Variants in FCN3 observed in about 807,000 individuals in gnomAD.
FCN3 encodes the protein ficolin 3.
Under a neutral mutation model 31.5 loss-of-function variants are expected in FCN3, and 28 were observed. That is an observed-to-expected ratio of 0.89 (90% CI 0.66 to 1.22). The LOEUF is 1.22. FCN3 is among the 50% of genes most tolerant of loss of function. FCN3 has a pLI of 0.00. For synonymous variants in FCN3, 124 were observed against 147.4 expected (o/e 0.84, Z 1.15); for missense variants, 351 against 386.8 (o/e 0.91, Z 0.78).
chr1:27,371,552 G>T (rs1246755107), intron 5 of FCN3, among the ~76,000 whole-genome samples: 1 of 152,008 alleles, frequency 6.6e-6, no homozygotes, highest in Non-Finnish European at 1.5e-5. Flanking sequence ...CTCCAGCCTG[G>T]GCAGCAGAGC....
chr1:27,373,866 G>A (rs925930383), intron 3 of FCN3, 99 bp downstream of exon 3: 3 of 1,049,190 alleles, frequency 2.9e-6, no homozygotes, highest in African/African-American at 3.2e-5. Flanking sequence ...TCCCCTGTGA[G>A]AGAGCCATCA....
chr1:27,373,947 C>G lies in FCN3; in HGVS notation c.232+18G>C. 1 of 1,611,418 alleles carries G rather than the reference C, an allele frequency of 6.2e-7. No individual in the cohort carries two copies. The highest frequency in any genetic ancestry group is 8.5e-7 in the Non-Finnish European group (1 of 1,178,036). The stretch of plus-strand genomic sequence containing the variant: ...AGAGGCAAAGAAAGCGGGGAGGCCT[C>G]CAGCCCCACTTACTCACCTGGCTCA... On this transcript the variant is annotated intron_variant, in intron 3 of 7. Transcript: ENST00000270879.
chr1:27,371,032 C>T, intron 5 of FCN3, 60 bp from the exon 6 acceptor site: 1 of 1,573,352 alleles, frequency 6.4e-7, no homozygotes, highest in Admixed American at 1.7e-5. Flanking sequence ...GCTGAGGGTG[C>T]AGGAACTGTG....
chr1:27,374,191 C>A, intron 2 of FCN3, 165 bp downstream of exon 2: 1 of 715,006 alleles, frequency 1.4e-6, no homozygotes, highest in Non-Finnish European at 2.4e-6. Context: ...GGGATGAAAC[C>A]ACTTACCTGG....
chr1:27,373,059 G>T lies in FCN3; in HGVS notation c.393+77C>A. 5 of 1,544,542 alleles carry T rather than the reference G, an allele frequency of 3.2e-6. No homozygotes were observed. The South Asian group carries it at 5.9e-5, about 18-fold the overall frequency. On this transcript the variant is annotated intron_variant, in intron 5 of 7. Coordinates refer to ENST00000270879, the MANE Select transcript of FCN3 (RefSeq NM_003665.4). ...TCTAGGAAATGCCTTGCTCTGGTGG[G>T]TTCTGGCTCCCCTAGGGGCCAAGGG...
At chr1:27,374,220 G>T in intron 2 of FCN3, 136 bp downstream of exon 2, 3 of 725,990 alleles carry the variant, frequency 4.1e-6, no homozygotes, top group Non-Finnish European at 7.0e-6. Context: ...ATCTTAGGAT[G>T]CCGGGTGCCC....
At chr1:27,374,696 G>A (rs2016215825) in intron 1 of FCN3, 32 bp downstream of exon 1, 3 of 1,285,944 alleles carry the variant, frequency 2.3e-6, no homozygotes, top group East Asian at 5.3e-5. Flanking sequence ...AATGAGGAGT[G>A]GGTTGGTGAG....
chr1:27,374,099 C>T, intron 2 of FCN3, 90 bp from the exon 3 acceptor site: 1 of 1,156,308 alleles, frequency 8.6e-7, no homozygotes, highest in East Asian at 2.4e-5. Context: ...GGTTCAAATC[C>T]CAGTTTCACC....
chr1:27,373,591 G>C, intron 3 of FCN3, 71 bp from the exon 4 acceptor site: 2 of 1,529,272 alleles, frequency 1.3e-6, no homozygotes, highest in Non-Finnish European at 1.8e-6. Context: ...CAGTGGAGCC[G>C]GTACCCAGGC....
chr1:27,373,915 C>T (rs2016199099), intron 3 of FCN3, 50 bp downstream of exon 3: 2 of 1,530,126 alleles, frequency 1.3e-6, no homozygotes, highest in African/African-American at 2.7e-5. Flanking sequence ...CCCTAGAGTC[C>T]AGGGACAGAG....
At chr1:27,372,008 A>C (rs2016156279) in intron 5 of FCN3, among the ~76,000 whole-genome samples, 1 of 151,692 alleles carries the variant, frequency 6.6e-6, no homozygotes, top group Non-Finnish European at 1.5e-5. Context: ...CAATCCACCC[A>C]CCTCGGCCTC....
At chr1:27,371,175 C>T (rs1281826651) in intron 5 of FCN3, among the ~76,000 whole-genome samples, 1 of 152,230 alleles carries the variant, frequency 6.6e-6, no homozygotes, top group African/African-American at 2.4e-5. Flanking sequence ...CAACTTCATG[C>T]CACAGCCTTG....
intron 5 of FCN3, among the ~76,000 whole-genome samples, chr1:27,371,273 A>G (rs1391789069): frequency 2.7e-5 from 4 of 148,966 alleles, no homozygotes; most frequent in East Asian, 2.0e-4. Context: ...AAATAACCCA[A>G]TTTCATTTAC....
Position 27,374,638 on chromosome 1 carries a change from C to A in FCN3, c.91+90G>T, listed in dbSNP as rs1259690273. 3.5e-6 allele frequency: 3 copies of A among 845,278 alleles called. No homozygotes were observed. The African/African-American group carries it at 5.2e-5, about 15-fold the overall frequency. 52.4% of individuals were successfully genotyped at this position (845,278 alleles called of 1,614,324 possible). On this transcript the variant is annotated intron_variant, in intron 1 of 7. Transcript: ENST00000270879. Reference sequence around the variant, plus strand: ...GAGCCCAGATTATGAAACTCCCACCCTGCTCCTTGAGGTTGATGAGCCTTG... The same window carrying A: ...GAGCCCAGATTATGAAACTCCCACCATGCTCCTTGAGGTTGATGAGCCTTG...
In FCN3 at chr1:27,373,275, G is replaced by T; in HGVS notation, c.266-12C>A. The T allele has an allele frequency of 6.2e-7, 1 of 1,614,042 alleles. No individual in the cohort carries two copies. The highest frequency in any genetic ancestry group is 8.5e-7 in the Non-Finnish European group (1 of 1,179,980). On this transcript the variant is annotated splice_polypyrimidine_tract_variant and intron_variant, in intron 4 of 7. Transcript: ENST00000270879. ...GCAGTTTCTGGGGCCTGGGAAAGGG[G>T]AGATGGACTGGGGTGGTGCCCAGGT... is the stretch of plus-strand genomic sequence containing the variant.
chr1:27,371,953 G>A (rs1286570220), intron 5 of FCN3, among the ~76,000 whole-genome samples: 2 of 152,012 alleles, frequency 1.3e-5, no homozygotes, highest in Admixed American at 6.5e-5. Context: ...TAGAGATGGG[G>A]TTTTGCCATG....
chr1:27,373,044 G>T, intron 5 of FCN3, 92 bp downstream of exon 5: 1 of 1,441,778 alleles, frequency 6.9e-7, no homozygotes, highest in Non-Finnish European at 9.5e-7. Context: ...TCTAGGAAAT[G>T]CCTTGCTCTG....
intron 1 of FCN3, 73 bp from the exon 2 acceptor site, chr1:27,374,524 G>C: frequency 9.5e-7 from 1 of 1,047,638 alleles, no homozygotes; most frequent in Non-Finnish European, 1.5e-6. Context: ...TTCTCTTCCT[G>C]TCTCCCAGAT....
At chr1:27,374,137 ATATCT>A (rs1192446146) in intron 2 of FCN3, 128 bp from the exon 3 acceptor site, 2 of 869,188 alleles carry the variant, frequency 2.3e-6, no homozygotes, top group Non-Finnish European at 3.7e-6. Flanking sequence ...TTGCGGGCAA[ATATCT>A]TATCCTCTCT....
Sources: gnomAD v4.1 joint callset for allele counts (sites outside exome capture counted in the v4.1 genomes callset) on GRCh38, gnomAD v4.1.1 for gene constraint, MANE v1.5 for transcripts, NCBI Gene and HGNC (gene_info 2026-07-23, HGNC 2026-07-21) for gene names.